VPS13B: variants seen among roughly 807,000 people sequenced by gnomAD.
VPS13B encodes the protein intermembrane lipid transfer protein VPS13B.
VPS13B carries 285 observed loss-of-function variants against 426.4 expected under a neutral mutation model. The ratio of observed to expected loss-of-function variants is 0.67; its 90% CI spans 0.61 to 0.74. The LOEUF (loss-of-function observed/expected upper bound fraction) is 0.74, where lower values mean the gene tolerates loss of function less well. Ranked by LOEUF, VPS13B falls within the 30% of genes least tolerant of loss-of-function variation. The probability of loss-of-function intolerance (pLI) is 0.00; values close to 1 mark genes in which losing one functional copy is unlikely to be tolerated. For synonymous variants in VPS13B, 1,676 were observed against 1,676.4 expected (o/e 1.00, Z 0.01); for missense variants, 4,537 against 4,782.6 (o/e 0.95, Z 1.51).
intron 19 of VPS13B, among the ~76,000 whole-genome samples, chr8:99,298,019 C>G (rs918007958): frequency 6.6e-6 from 1 of 152,112 alleles, no homozygotes; most frequent in Non-Finnish European, 1.5e-5. Flanking sequence ...TTGAGCTTGC[C>G]TGACAGTAAC....
chr8:99,337,236 C>T (rs141980423), intron 19 of VPS13B, among the ~76,000 whole-genome samples: 5,118 of 151,918 alleles, frequency 0.034, 129 homozygotes, highest in Non-Finnish European at 0.049. Context: ...AATTGGAAAT[C>T]ATCATTCTCA....
At chr8:99,273,125 C>T (rs918202570) in intron 17 of VPS13B, among the ~76,000 whole-genome samples, 1 of 151,464 alleles carries the variant, frequency 6.6e-6, no homozygotes, top group Admixed American at 6.6e-5. Flanking sequence ...TTTCACCTGA[C>T]CAAAATATTT....
chr8:99,057,467 T>C (rs543642474), intron 3 of VPS13B, among the ~76,000 whole-genome samples: 1 of 152,324 alleles, frequency 6.6e-6, no homozygotes, highest in South Asian at 2.1e-4. Flanking sequence ...CTCTGGCTCC[T>C]GTTGTTACTT....
Position 99,507,192 on chromosome 8 carries a change from G to C in VPS13B, c.4213G>C (p.Glu1405Gln), listed in dbSNP as rs1563766842. The C allele has an allele frequency of 6.2e-7, 1 of 1,613,896 alleles. No homozygotes were observed. Among genetic ancestry groups the C allele is most frequent in the Admixed American group, 1.7e-5 (1 of 59,994 alleles). Residue 1405 changes from glutamate to glutamine, a missense_variant, in exon 28 of 62, where the codon GAA becomes CAA. By Grantham distance (29) the Glu-to-Gln change is conservative. Around this residue, in one of 2 missense-constraint regions of VPS13B, gnomAD observed 4,311 missense variants for 4,474.3 expected, o/e 0.96. Coordinates refer to ENST00000357162, the MANE Select transcript of VPS13B (RefSeq NM_152564.5). ...TGAAGGAGTATTTCTACAATGCAAA[G>C]AAAAATCTGTGGTGAGACCCATTTA... is the stretch of plus-strand genomic sequence containing the variant. ...HFEGVFLQCK[E>Q]KSVTTTKLLD...
At chr8:99,656,421 G>C (rs901549702) in intron 34 of VPS13B, among the ~76,000 whole-genome samples, 2 of 152,146 alleles carry the variant, frequency 1.3e-5, no homozygotes, top group Admixed American at 6.6e-5. Flanking sequence ...ATCCAGAAGA[G>C]GTCTGAAAGA....
intron 12 of VPS13B, 146 bp downstream of exon 12, chr8:99,136,898 A>C: frequency 2.5e-6 from 2 of 786,440 alleles, no homozygotes; most frequent in Non-Finnish European, 4.3e-6. Flanking sequence ...TTTTAACATC[A>C]TGTTAGAATT....
In VPS13B at chr8:99,602,506, C is replaced by A. The variant is rs543162703; in HGVS notation, c.5220+24873C>A. Among the ~76,000 whole-genome samples, 3 of 151,970 alleles carry A rather than the reference C, an allele frequency of 2.0e-5. No homozygotes were observed. In the East Asian group the frequency reaches 5.8e-4, roughly 29 times the overall value. ...TTTTTTGGCTCTCACCACTCCTATT[C>A]AACATAGTATTGGAAGTTCTGGCCA... On this transcript the variant is annotated intron_variant, in intron 33 of 61. Coordinates refer to ENST00000357162, the MANE Select transcript of VPS13B (RefSeq NM_152564.5).
intron 3 of VPS13B, among the ~76,000 whole-genome samples, chr8:99,051,241 T>C (rs1843532550): frequency 6.6e-6 from 1 of 152,264 alleles, no homozygotes; most frequent in African/African-American, 2.4e-5. Context: ...TTCAGCTTTC[T>C]ACATATGGCT....
At chr8:99,413,825 C>G (rs1233254617) in intron 21 of VPS13B, among the ~76,000 whole-genome samples, 1 of 152,106 alleles carries the variant, frequency 6.6e-6, no homozygotes, top group East Asian at 1.9e-4. Flanking sequence ...TTTGCATTTG[C>G]TGAGGAGTGT....
intron 42 of VPS13B, among the ~76,000 whole-genome samples, chr8:99,781,457 A>G (rs1225072785): frequency 6.6e-6 from 1 of 152,206 alleles, no homozygotes; most frequent in African/African-American, 2.4e-5. Context: ...CCAAGTGAGC[A>G]TTCTGAGGCT....
At chr8:99,673,956 T>C (rs1830820960) in intron 35 of VPS13B, among the ~76,000 whole-genome samples, 1 of 152,082 alleles carries the variant, frequency 6.6e-6, no homozygotes, top group South Asian at 2.1e-4. Flanking sequence ...TACCATTGTT[T>C]TCAGAAAAGA....
At chr8:99,653,703 A>G (rs1208668536) in intron 34 of VPS13B, among the ~76,000 whole-genome samples, 1 of 152,202 alleles carries the variant, frequency 6.6e-6, no homozygotes, top group Non-Finnish European at 1.5e-5. Context: ...ACTTCCTTCT[A>G]GCAAGATATG....
intron 3 of VPS13B, among the ~76,000 whole-genome samples, chr8:99,081,350 A>G (rs1332530348): frequency 6.6e-6 from 1 of 151,790 alleles, no homozygotes; most frequent in African/African-American, 2.4e-5. Context: ...CCCATCCTCA[A>G]TGTTTTTATC....
rs1329905121 is a variant in VPS13B at position 99,551,544 on chromosome 8, T to C, written c.4746-4906T>C. Among the ~76,000 whole-genome samples the C allele has an allele frequency of 2.6e-5, 4 of 151,966 alleles. No individual in the cohort carries two copies. In the East Asian group the frequency reaches 7.7e-4, roughly 29 times the overall value. On this transcript the variant is annotated intron_variant, in intron 30 of 61. Transcript: ENST00000357162. ...CTTAGGTGCTTTCTACTTGCCCAAC[T>C]TTGGTTTTTCATTTCTGACATTCTA...
intron 33 of VPS13B, among the ~76,000 whole-genome samples, chr8:99,586,346 C>T (rs1826299958): frequency 6.6e-6 from 1 of 152,154 alleles, no homozygotes; most frequent in Non-Finnish European, 1.5e-5. Flanking sequence ...GCCATCCACC[C>T]TTCAGAAAAT....
intron 33 of VPS13B, among the ~76,000 whole-genome samples, chr8:99,640,171 A>G (rs1337210066): frequency 6.6e-6 from 1 of 152,072 alleles, no homozygotes; most frequent in Non-Finnish European, 1.5e-5. Context: ...CGCTGATAGT[A>G]ATGTAACTTA....
At chr8:99,284,732 G>GTA (rs1168727086) in intron 19 of VPS13B, among the ~76,000 whole-genome samples, 1 of 88,822 alleles carries the variant, frequency 1.1e-5, no homozygotes, top group Non-Finnish European at 2.4e-5. Context: ...GTGTGTGTGT[G>GTA]TGTGTTTTTG....
intron 3 of VPS13B, among the ~76,000 whole-genome samples, chr8:99,090,082 A>G (rs2132409948): frequency 6.6e-6 from 1 of 151,988 alleles, no homozygotes; most frequent in African/African-American, 2.4e-5. Flanking sequence ...GTAGTTTTTC[A>G]GGTTAAGTTT....
At chr8:99,514,338 A>G (rs1289784999) in intron 29 of VPS13B, among the ~76,000 whole-genome samples, 1 of 152,196 alleles carries the variant, frequency 6.6e-6, no homozygotes, top group Non-Finnish European at 1.5e-5. Context: ...TTTTAAGTAT[A>G]TAATTCAGTG....
Sources: allele counts gnomAD v4.1 joint callset (sites outside exome capture counted in the v4.1 genomes callset), GRCh38; gene constraint gnomAD v4.1.1; regional missense constraint gnomAD v4.1.1; transcripts MANE v1.5; gene names NCBI Gene and HGNC (gene_info 2026-07-23, HGNC 2026-07-21).